Variants in TMEFF2 observed in about 807,000 individuals in gnomAD.
TMEFF2 encodes tomoregulin-2.
A neutral mutation model predicts 53.8 loss-of-function variants in TMEFF2; 28 were observed. That is an observed-to-expected ratio of 0.52 (90% CI 0.39 to 0.71). The LOEUF (loss-of-function observed/expected upper bound fraction) is 0.71. TMEFF2 is among the 30% of genes least tolerant of loss of function. The pLI, the probability that TMEFF2 is intolerant of heterozygous loss-of-function variation, is 0.00. For synonymous variants in TMEFF2, 162 were observed against 166.3 expected, an observed-to-expected ratio of 0.97 and a Z score of 0.20; for missense variants, 353 against 455.2, an observed-to-expected ratio of 0.78 and a Z score of 2.04.
chr2:192,084,571 T>C lies in TMEFF2; in HGVS notation c.440-26796A>G, dbSNP rs377238052. Among the ~76,000 whole-genome samples the C allele has an allele frequency of 1.6e-4, 25 of 152,350 alleles. No homozygotes were observed. In the East Asian group the frequency reaches 4.6e-3, roughly 28 times the overall value. On this transcript the variant is annotated intron_variant, in intron 4 of 9. Coordinates refer to ENST00000272771, the MANE Select transcript of TMEFF2 (RefSeq NM_016192.4). ...TCACATTTTTACATTTCTCCACTTT[T>C]TATTTTCACCTTTCTACCTCTTCAC...
intron 5 of TMEFF2, among the ~76,000 whole-genome samples, chr2:192,042,340 C>T (rs1375372199): frequency 1.3e-5 from 2 of 152,144 alleles, no homozygotes; most frequent in African/African-American, 4.8e-5. Flanking sequence ...GGTAGGCTTG[C>T]TTCACGTGGT....
At chr2:191,963,608 T>C (rs1198073582) in intron 7 of TMEFF2, among the ~76,000 whole-genome samples, 1 of 152,212 alleles carries the variant, frequency 6.6e-6, no homozygotes, top group African/African-American at 2.4e-5. Flanking sequence ...TACTGGAATA[T>C]AGTGAAAGCA....
At chr2:192,099,202 A>G (rs1436629279) in intron 4 of TMEFF2, among the ~76,000 whole-genome samples, 1 of 152,096 alleles carries the variant, frequency 6.6e-6, no homozygotes, top group Non-Finnish European at 1.5e-5. Context: ...ATAGTAAACA[A>G]AATGTTATTT....
At chr2:192,167,939 T>A (rs1225953445) in intron 4 of TMEFF2, among the ~76,000 whole-genome samples, 1 of 152,138 alleles carries the variant, frequency 6.6e-6, no homozygotes, top group African/African-American at 2.4e-5. Context: ...TGACAGTTCA[T>A]TCATTCATCC....
intron 4 of TMEFF2, among the ~76,000 whole-genome samples, chr2:192,153,081 T>G (rs1690426331): frequency 6.6e-6 from 1 of 151,386 alleles, no homozygotes; most frequent in African/African-American, 2.4e-5. Flanking sequence ...TTTAAATATT[T>G]TAAATATTTA....
Position 191,998,268 on chromosome 2 carries a change from A to G in TMEFF2, c.739T>C (p.Tyr247His), listed in dbSNP as rs1487505541. The G allele has an allele frequency of 2.5e-6, 4 of 1,598,776 alleles. No individual in the cohort carries two copies. Among genetic ancestry groups the G allele is most frequent in the Non-Finnish European group, 3.4e-6 (4 of 1,172,786 alleles). Residue 247 changes from tyrosine to histidine, a missense_variant, in exon 7 of 10, where the codon TAT (tyrosine) becomes CAT (histidine). By Grantham distance (83) the Tyr-to-His change is moderately conservative. This residue lies in a region of TMEFF2 where 294 missense variants were observed against 397.3 expected (regional missense o/e 0.74). Coordinates refer to ENST00000272771, the MANE Select transcript of TMEFF2 (RefSeq NM_016192.4). ...AGAAGAAAATATTATGTACCTGCAT[A>G]ATCTGTTCTTGCATAATGCCCATCT... Reference protein sequence around the residue: ...SEDGHYARTDYAENANKLEES... With the variant: ...SEDGHYARTDHAENANKLEES...
intron 7 of TMEFF2, among the ~76,000 whole-genome samples, chr2:191,962,799 T>C (rs4853486): frequency 0.73 from 111,605 of 152,098 alleles, 41,344 homozygotes; most frequent in East Asian, 0.91. Context: ...TTTGCTCTGT[T>C]TTTTGACTCG....
At chr2:191,969,389 A>G (rs1396180800) in intron 7 of TMEFF2, among the ~76,000 whole-genome samples, 1 of 152,144 alleles carries the variant, frequency 6.6e-6, no homozygotes, top group East Asian at 1.9e-4. Flanking sequence ...TCCCTACCTT[A>G]GGTGACAAGG....
At chr2:192,168,887 G>T (rs1430226318) in intron 4 of TMEFF2, among the ~76,000 whole-genome samples, 1 of 151,814 alleles carries the variant, frequency 6.6e-6, no homozygotes, top group Admixed American at 6.6e-5. Context: ...ACATTGCCCA[G>T]GCTAGAGTAC....
At chr2:192,117,706 A>G (rs951336229) in intron 4 of TMEFF2, among the ~76,000 whole-genome samples, 2 of 151,874 alleles carry the variant, frequency 1.3e-5, no homozygotes, top group South Asian at 2.1e-4. Context: ...AGGACCTCTG[A>G]TTGGTTTCTA....
chr2:192,120,242 A>C (rs1689517596), intron 4 of TMEFF2, among the ~76,000 whole-genome samples: 1 of 152,144 alleles, frequency 6.6e-6, no homozygotes, highest in Non-Finnish European at 1.5e-5. Context: ...GACTGGCCTT[A>C]CATTTTTTTT....
intron 5 of TMEFF2, among the ~76,000 whole-genome samples, chr2:192,010,902 C>A (rs955707441): frequency 6.6e-6 from 1 of 152,166 alleles, no homozygotes; most frequent in Non-Finnish European, 1.5e-5. Context: ...AACAAGAGGA[C>A]ATGTAAATCC....
chr2:192,057,689 C>T lies in TMEFF2; in HGVS notation c.526G>A (p.Glu176Lys), dbSNP rs752891854. The change falls in exon 5 of 10, where the codon GAG (glutamate) becomes AAG (lysine). Residue 176 changes from glutamate (E) to lysine (K), a missense_variant. Physicochemically the swap from Glu to Lys is moderately conservative, Grantham distance 56. Around this residue, in one of 3 missense-constraint regions of TMEFF2, gnomAD observed 294 missense variants for 397.3 expected, o/e 0.74. Transcript: ENST00000272771. ...AAAACAGCATATTACCAGACATCCT[C>T]GGCATCTTCGTCACATTCTGCACCA... Reference protein sequence around the residue: ...QFGAECDEDAEDVWCVCNIDC... With the variant: ...QFGAECDEDAKDVWCVCNIDC... 4 of 1,613,812 alleles carry T rather than the reference C, an allele frequency of 2.5e-6. No homozygotes were observed. The highest frequency in any genetic ancestry group is 2.5e-6 in the Non-Finnish European group (3 of 1,179,740).
rs982243319 is a variant in TMEFF2, at chr2:191,974,524, G to A, written c.746-18146C>T. ...TGATTTGAGAATAGTAGAAAATATA[G>A]ATAGGAAAAGAACAAAAGTACTGAA... On this transcript the variant is annotated intron_variant, in intron 7 of 9. Transcript: ENST00000272771. Among the ~76,000 whole-genome samples the A allele has an allele frequency of 2.0e-5, 3 of 151,984 alleles. No individual in the cohort carries two copies. The East Asian group carries it at 5.8e-4, about 29-fold the overall frequency.
At chr2:192,102,682 G>A (rs768971499) in intron 4 of TMEFF2, among the ~76,000 whole-genome samples, 13 of 128,166 alleles carry the variant, frequency 1.0e-4, no homozygotes, top group Middle Eastern at 5.7e-3. Flanking sequence ...AAGCTGGAGT[G>A]CAGTGGTATG....
intron 5 of TMEFF2, among the ~76,000 whole-genome samples, chr2:192,004,018 C>A (rs536325491): frequency 6.6e-6 from 1 of 152,114 alleles, no homozygotes; most frequent in Non-Finnish European, 1.5e-5. Context: ...TTTCTGCAAC[C>A]TTCTCAAGGG....
intron 4 of TMEFF2, among the ~76,000 whole-genome samples, chr2:192,173,871 T>C (rs1043341725): frequency 6.6e-6 from 1 of 151,812 alleles, no homozygotes; most frequent in African/African-American, 2.4e-5. Context: ...AAAATTCTAA[T>C]TAAACCCTTC....
At chr2:192,123,834 C>T (rs1056690192) in intron 4 of TMEFF2, among the ~76,000 whole-genome samples, 3 of 152,208 alleles carry the variant, frequency 2.0e-5, no homozygotes, top group South Asian at 4.1e-4. Flanking sequence ...GTGCAGATAG[C>T]TGCCTCTTAT....
chr2:192,041,154 G>A (rs913896105), intron 5 of TMEFF2, among the ~76,000 whole-genome samples: 1 of 152,232 alleles, frequency 6.6e-6, no homozygotes, highest in South Asian at 2.1e-4. Flanking sequence ...CAAAGGATAC[G>A]GTCAAGAGAG....
Sources: gnomAD v4.1 joint callset for allele counts (sites outside exome capture counted in the v4.1 genomes callset) on GRCh38, gnomAD v4.1.1 for gene constraint, gnomAD v4.1.1 regional missense constraint, MANE v1.5 for transcripts, NCBI Gene and HGNC (gene_info 2026-07-23, HGNC 2026-07-21) for gene names.